Variants in RAI14 observed in about 807,000 individuals in gnomAD.
RAI14 encodes retinoic acid induced 14.
A neutral mutation model predicts 115.4 loss-of-function variants in RAI14; 45 were observed. The ratio of observed to expected loss-of-function variants is 0.39; its 90% confidence interval spans 0.31 to 0.50. The LOEUF (loss-of-function observed/expected upper bound fraction) is 0.50, where lower values mean the gene tolerates loss of function less well. RAI14 is among the 20% of genes least tolerant of loss of function. The pLI, the probability that RAI14 is intolerant of heterozygous loss-of-function variation, is 0.85. For missense variants in RAI14, 939 were observed against 1,131.2 expected (o/e 0.83, Z 2.44); for synonymous variants, 371 against 415.4 (o/e 0.89, Z 1.30).
chr5:34,696,069 C>A (rs1739189641), intron 2 of RAI14, among the ~76,000 whole-genome samples: 2 of 152,182 alleles, frequency 1.3e-5, no homozygotes, highest in Non-Finnish European at 2.9e-5. Context: ...ATACTCCTGC[C>A]TTGGCATCCC....
intron 2 of RAI14, among the ~76,000 whole-genome samples, chr5:34,748,102 C>G (rs1428738430): frequency 6.6e-6 from 1 of 152,076 alleles, no homozygotes; most frequent in Non-Finnish European, 1.5e-5. Flanking sequence ...CAGCCTGTTT[C>G]TGGATGGAGG....
intron 1 of RAI14, among the ~76,000 whole-genome samples, chr5:34,657,530 T>C (rs1278933732): frequency 6.6e-6 from 1 of 152,108 alleles, no homozygotes; most frequent in Non-Finnish European, 1.5e-5. Flanking sequence ...CCAACTTTAC[T>C]CCCAGAAATG....
At chr5:34,691,511 G>T (rs536638465) in intron 2 of RAI14, among the ~76,000 whole-genome samples, 81 of 152,256 alleles carry the variant, frequency 5.3e-4, no homozygotes, top group Non-Finnish European at 1.1e-3. Context: ...CATGAAAAAT[G>T]AGGCCAAAAA....
intron 3 of RAI14, among the ~76,000 whole-genome samples, chr5:34,769,183 C>A (rs959616780): frequency 3.9e-5 from 6 of 151,926 alleles, no homozygotes; most frequent in African/African-American, 1.2e-4. Flanking sequence ...TTTATTATAC[C>A]TTTTGAGCAG....
chr5:34,792,358 C>A (rs185812091), intron 3 of RAI14, among the ~76,000 whole-genome samples: 1,562 of 151,850 alleles, frequency 0.01, 9 homozygotes, highest in South Asian at 0.021. Context: ...CTCAGCCTCC[C>A]GAGTAGATGG....
chr5:34,771,129 C>T (rs1750100414), intron 3 of RAI14, among the ~76,000 whole-genome samples: 1 of 152,136 alleles, frequency 6.6e-6, no homozygotes, highest in Non-Finnish European at 1.5e-5. Context: ...ACCCTTGGGG[C>T]AGGGCAGTGA....
chr5:34,687,449 T>C (rs72730531), intron 2 of RAI14: 32,452 of 819,672 alleles, frequency 0.04, 746 homozygotes, highest in Non-Finnish European at 0.046. Flanking sequence ...TCCCCCCGAA[T>C]TCCAGGGACT....
At chr5:34,829,222 C>T (rs1757780630) in intron 16 of RAI14, among the ~76,000 whole-genome samples, 1 of 152,058 alleles carries the variant, frequency 6.6e-6, no homozygotes, top group African/African-American at 2.4e-5. Flanking sequence ...GAGTTTTGCT[C>T]TGTCACCCAC....
intron 3 of RAI14, among the ~76,000 whole-genome samples, chr5:34,761,818 G>A (rs975018620): frequency 6.6e-6 from 1 of 151,942 alleles, no homozygotes; most frequent in Admixed American, 6.6e-5. Context: ...ATTTAGAGAT[G>A]GGTCTTGCCA....
chr5:34,660,308 T>C (rs972536455), intron 1 of RAI14, among the ~76,000 whole-genome samples: 2 of 152,176 alleles, frequency 1.3e-5, no homozygotes, highest in African/African-American at 4.8e-5. Flanking sequence ...GGCGCATGCC[T>C]GTAATCCCAG....
intron 1 of RAI14, among the ~76,000 whole-genome samples, chr5:34,664,839 G>A (rs1015121091): frequency 6.0e-5 from 9 of 150,560 alleles, no homozygotes; most frequent in Non-Finnish European, 1.3e-4. Flanking sequence ...CATCCTCATA[G>A]CTTAGCTCCT....
chr5:34,712,552 A>C (rs770655090), intron 2 of RAI14, among the ~76,000 whole-genome samples: 1 of 152,210 alleles, frequency 6.6e-6, no homozygotes, highest in Non-Finnish European at 1.5e-5. Context: ...CTACTTTTCA[A>C]GTCTGTTTAT....
In RAI14 at chr5:34,827,318, T is replaced by A. The variant is rs1262746944; in HGVS notation, c.2799+839T>A. On this transcript the variant is annotated intron_variant, in intron 16 of 17. Coordinates refer to ENST00000265109, the MANE Select transcript of RAI14 (RefSeq NM_015577.3). The surrounding 1 kb of genome is among the most constrained non-coding windows in gnomAD (Gnocchi z 4.2). The stretch of plus-strand genomic sequence containing the variant: ...TCTCCATCTCAAACCCTTAATTTCA[T>A]CTGCAAGATGCCTTTTGCCATATAA... Among the ~76,000 whole-genome samples, 1 of 152,146 alleles carries A rather than the reference T, an allele frequency of 6.6e-6. No individual in the cohort carries two copies. The highest frequency in any genetic ancestry group is 2.4e-5 in the African/African-American group (1 of 41,432).
At chr5:34,765,039 T>G (rs866651788) in intron 3 of RAI14, among the ~76,000 whole-genome samples, 8 of 152,324 alleles carry the variant, frequency 5.3e-5, no homozygotes, top group Middle Eastern at 6.8e-3. Context: ...CTTTTGCTTC[T>G]TCCTCATTTT....
At chr5:34,696,288 C>T (rs1739226558) in intron 2 of RAI14, among the ~76,000 whole-genome samples, 3 of 152,232 alleles carry the variant, frequency 2.0e-5, no homozygotes, top group African/African-American at 7.2e-5. Context: ...CAGGTGCCTG[C>T]CACCACGCCT....
At position 34,730,239 on chromosome 5, in the gene RAI14, T is replaced by G. The variant is rs370658649; in HGVS notation, c.37-27229T>G. Among the ~76,000 whole-genome samples the G allele has an allele frequency of 9.2e-5, 14 of 152,366 alleles. No individual in the cohort carries two copies. The East Asian group carries it at 1.2e-3, about 13-fold the overall frequency. ...GATTGATATCCAGTGCTCTCATACT[T>G]TGCTGGTGTCTTTATATGCACAAAT... is the stretch of plus-strand genomic sequence containing the variant. On this transcript the variant is annotated intron_variant, in intron 2 of 17. Coordinates refer to ENST00000265109, the MANE Select transcript of RAI14 (RefSeq NM_015577.3).
At chr5:34,749,175 C>T (rs1428180717) in intron 2 of RAI14, among the ~76,000 whole-genome samples, 3 of 152,346 alleles carry the variant, frequency 2.0e-5, no homozygotes, top group Admixed American at 2.0e-4. Flanking sequence ...ACAGTCTCCT[C>T]ACCGAAAACT....
At chr5:34,746,091 T>TCCCCC (rs368622381) in intron 2 of RAI14, among the ~76,000 whole-genome samples, 5 of 49,306 alleles carry the variant, frequency 1.0e-4, no homozygotes, top group African/African-American at 3.9e-4. Context: ...CACCACCCCC[T>TCCCCC]CCCCCCCCCG....
chr5:34,765,213 C>G (rs1247451413), intron 3 of RAI14, among the ~76,000 whole-genome samples: 1 of 152,066 alleles, frequency 6.6e-6, no homozygotes. Flanking sequence ...TAAATTGGTA[C>G]CAGTAGAGTG....
Sources: allele counts gnomAD v4.1 joint callset (sites outside exome capture counted in the v4.1 genomes callset), GRCh38; gene constraint gnomAD v4.1.1; non-coding constraint Gnocchi (gnomAD v3.1); transcripts MANE v1.5; gene names NCBI Gene and HGNC (gene_info 2026-07-23, HGNC 2026-07-21).